The following CPXM2 variants were observed in gnomAD, a reference collection of about 807,000 sequenced individuals.
CPXM2 encodes the protein carboxypeptidase X, M14 family member 2.
A neutral mutation model predicts 86.1 loss-of-function variants in CPXM2; 66 were observed. The ratio of observed to expected loss-of-function variants is 0.77; its 90% CI spans 0.63 to 0.94. The LOEUF is 0.94. CPXM2 is among the 40% of genes least tolerant of loss of function. The pLI is 0.00. For synonymous variants in CPXM2, 388 were observed against 400.2 expected, an observed-to-expected ratio of 0.97 and a Z score of 0.36; for missense variants, 948 against 1,026.3, an observed-to-expected ratio of 0.92 and a Z score of 1.04.
rs1175433949 is a variant in CPXM2, at chr10:123,929,313, G to A, written n.174+10164C>T. On this transcript the variant is annotated intron_variant and non_coding_transcript_variant, in intron 2 of 19. Coordinates refer to the CPXM2 transcript ENST00000368854. ...AGGCCAGACCCCGGGCCCATGGGAG[G>A]GCACTGGTGCCTTGGCAATCCTTCC... is the stretch of plus-strand genomic sequence containing the variant. 2.6e-5 allele frequency among the ~76,000 whole-genome samples: 4 copies of A among 152,210 alleles called. No homozygotes were observed. In the East Asian group the frequency reaches 5.8e-4, roughly 22 times the overall value.
intron 4 of CPXM2, among the ~76,000 whole-genome samples, chr10:123,799,888 A>C (rs933827910): frequency 1.3e-5 from 2 of 152,170 alleles, no homozygotes; most frequent in Non-Finnish European, 2.9e-5. Flanking sequence ...TGGCAAGAAA[A>C]GCGACCTACA....
At chr10:123,898,636 C>G (rs1012954663) in intron 2 of CPXM2, among the ~76,000 whole-genome samples, 1 of 151,616 alleles carries the variant, frequency 6.6e-6, no homozygotes, top group Non-Finnish European at 1.5e-5. Flanking sequence ...GACTCTGTCT[C>G]CAAAAACAAA....
chr10:123,775,293 G>A (rs1158978109), intron 7 of CPXM2, among the ~76,000 whole-genome samples: 1 of 152,206 alleles, frequency 6.6e-6, no homozygotes, highest in Non-Finnish European at 1.5e-5. Context: ...GTCATTCTCA[G>A]CCAACAGCAT....
At chr10:123,752,594 G>A in intron 13 of CPXM2, 1 of 985,312 alleles carries the variant, frequency 1.0e-6, no homozygotes, top group Non-Finnish European at 1.2e-6. Flanking sequence ...CTGCTTCCTG[G>A]CAGGTGGAAT....
At chr10:123,874,884 T>G (rs953337287) in intron 2 of CPXM2, among the ~76,000 whole-genome samples, 13 of 152,350 alleles carry the variant, frequency 8.5e-5, no homozygotes, top group Admixed American at 7.2e-4. Context: ...GAATGAAATT[T>G]CATGCCACCT....
intron 2 of CPXM2, among the ~76,000 whole-genome samples, chr10:123,879,442 T>C (rs1388699889): frequency 6.6e-6 from 1 of 152,196 alleles, no homozygotes; most frequent in East Asian, 1.9e-4. Flanking sequence ...CACATTCCCA[T>C]GTCTCATTTT....
At chr10:123,778,558 C>T (rs1846858169) in intron 7 of CPXM2, among the ~76,000 whole-genome samples, 1 of 152,214 alleles carries the variant, frequency 6.6e-6, no homozygotes, top group Admixed American at 6.5e-5. Flanking sequence ...GCATACTCCG[C>T]TTGCTTTCCT....
chr10:123,780,095 G>C, intron 7 of CPXM2, 72 bp downstream of exon 7: 2 of 945,278 alleles, frequency 2.1e-6, no homozygotes, highest in Non-Finnish European at 3.4e-6. Flanking sequence ...AAAAATTTAA[G>C]TGCTTATGGA....
intron 3 of CPXM2, among the ~76,000 whole-genome samples, chr10:123,846,158 A>G (rs1848490489): frequency 6.6e-6 from 1 of 152,200 alleles, no homozygotes; most frequent in Non-Finnish European, 1.5e-5. Flanking sequence ...TAATTTAAGC[A>G]TATTATATGT....
At chr10:123,759,521 C>T (rs1846286481) in intron 11 of CPXM2, among the ~76,000 whole-genome samples, 1 of 152,156 alleles carries the variant, frequency 6.6e-6, no homozygotes, top group Non-Finnish European at 1.5e-5. Flanking sequence ...AGTGTATCGC[C>T]TTGCTGAGAA....
At chr10:123,857,614 A>G (rs1848758219) in intron 3 of CPXM2, among the ~76,000 whole-genome samples, 1 of 141,126 alleles carries the variant, frequency 7.1e-6, no homozygotes, top group Non-Finnish European at 1.6e-5. Context: ...GGCGGCGTGG[A>G]GATGGAAGGC....
rs145100732 is a variant in CPXM2 at position 123,831,786 on chromosome 10, T to C, written c.653+10563A>G. Among the ~76,000 whole-genome samples, 1,244 of 152,080 alleles carry C rather than the reference T, an allele frequency of 8.2e-3. 21 individuals carry two copies. The highest frequency in any genetic ancestry group is 0.028 in the African/African-American group (1,177 of 41,496). ...ATATTTAAGAACCCTAGTGATTACA[T>C]TGGGCCTACCCAGATCATCCAGAAA... is the stretch of plus-strand genomic sequence containing the variant. On this transcript the variant is annotated intron_variant, in intron 4 of 13. Transcript: ENST00000241305.
chr10:123,789,300 C>A (rs768207026), intron 6 of CPXM2, among the ~76,000 whole-genome samples: 5 of 152,224 alleles, frequency 3.3e-5, no homozygotes, highest in Non-Finnish European at 7.3e-5. Flanking sequence ...GAGGGGGCAG[C>A]ACAACCTCTG....
Position 123,852,543 on chromosome 10 carries a change from G to A in CPXM2, c.514-10055C>T, listed in dbSNP as rs566326167. Among the ~76,000 whole-genome samples, 10 of 152,292 alleles carry A rather than the reference G, an allele frequency of 6.6e-5. No homozygotes were observed. The East Asian group carries it at 7.7e-4, about 12-fold the overall frequency. On this transcript the variant is annotated intron_variant, in intron 3 of 13. Coordinates refer to ENST00000241305, the MANE Select transcript of CPXM2 (RefSeq NM_198148.3). ...GTCAACACAGTGACTAGGTTGATCC[G>A]TTTCACATGTAAGCCACAGCATGTC...
intron 2 of CPXM2, among the ~76,000 whole-genome samples, chr10:123,934,290 A>C (rs922055039): frequency 6.6e-6 from 1 of 152,148 alleles, no homozygotes; most frequent in African/African-American, 2.4e-5. Context: ...CAGGAGTCTG[A>C]AATGGCGGTG....
At chr10:123,786,331 G>A (rs562216685) in intron 6 of CPXM2, among the ~76,000 whole-genome samples, 175 of 152,264 alleles carry the variant, frequency 1.1e-3, no homozygotes, top group African/African-American at 4.0e-3. Context: ...GGTGGCAAAG[G>A]CTGCGTTCCT....
At chr10:123,935,591 G>A (rs868599673) in intron 2 of CPXM2, among the ~76,000 whole-genome samples, 10 of 152,200 alleles carry the variant, frequency 6.6e-5, no homozygotes, top group African/African-American at 2.4e-4. Context: ...TCCCATAGTG[G>A]TTGGTAAGTG....
At chr10:123,772,042 T>C (rs1846646742) in intron 7 of CPXM2, among the ~76,000 whole-genome samples, 1 of 152,214 alleles carries the variant, frequency 6.6e-6, no homozygotes, top group Admixed American at 6.5e-5. Context: ...CTATCACCTC[T>C]CTGGTTGTGG....
intron 6 of CPXM2, among the ~76,000 whole-genome samples, chr10:123,785,788 A>G (rs1377762163): frequency 6.6e-6 from 1 of 151,698 alleles, no homozygotes; most frequent in Non-Finnish European, 1.5e-5. Context: ...ACTCGCCACC[A>G]CGCCTGGCTA....
Sources: allele counts gnomAD v4.1 joint callset (sites outside exome capture counted in the v4.1 genomes callset), GRCh38; gene constraint gnomAD v4.1.1; transcripts MANE v1.5; gene names NCBI Gene and HGNC (gene_info 2026-07-23, HGNC 2026-07-21).